Variants in NTM observed in about 807,000 individuals in gnomAD.
The protein encoded by NTM is neurotrimin.
A neutral mutation model predicts 42.1 loss-of-function variants in NTM; 13 were observed. The ratio of observed to expected loss-of-function variants is 0.31; its 90% CI spans 0.20 to 0.49. The LOEUF (loss-of-function observed/expected upper bound fraction) is 0.49. Among genes scored for constraint, NTM ranks in the 20% least tolerant of loss-of-function variants. NTM has a pLI of 0.99. For missense variants in NTM, 373 were observed against 452.8 expected (o/e 0.82, Z 1.60); for synonymous variants, 187 against 179.2 (o/e 1.04, Z -0.35).
intron 1 of NTM, among the ~76,000 whole-genome samples, chr11:131,631,559 A>C (rs894342360): frequency 6.6e-6 from 1 of 152,252 alleles, no homozygotes; most frequent in African/African-American, 2.4e-5. Context: ...CTCACAACAA[A>C]AAAGATGTGG....
chr11:132,181,626 G>A (rs2077581856), intron 3 of NTM, among the ~76,000 whole-genome samples: 1 of 152,190 alleles, frequency 6.6e-6, no homozygotes, highest in African/African-American at 2.4e-5. Context: ...TGGGAAGGGG[G>A]TCAATACATA....
At chr11:131,880,159 A>G (rs2049243946) in intron 1 of NTM, among the ~76,000 whole-genome samples, 1 of 152,232 alleles carries the variant, frequency 6.6e-6, no homozygotes, top group African/African-American at 2.4e-5. Flanking sequence ...GACCCAGCAG[A>G]TAAGTCATAA....
rs187929687 is a variant in NTM at position 132,129,701 on chromosome 11, A to G, written c.168-16581A>G. On this transcript the variant is annotated intron_variant, in intron 2 of 8. Coordinates refer to ENST00000683400, the MANE Select transcript of NTM (RefSeq NM_001352005.2). ...GTCATTATTTTTCTTCAGTGCACAC[A>G]CAGAATATCTGTCCTCCAACACCAG... 1.2e-4 allele frequency among the ~76,000 whole-genome samples: 19 copies of G among 152,342 alleles called. No individual in the cohort carries two copies. In the East Asian group the frequency reaches 3.7e-3, roughly 29 times the overall value.
intron 1 of NTM, among the ~76,000 whole-genome samples, chr11:131,591,764 TA>T (rs754625622): frequency 3.3e-5 from 5 of 152,170 alleles, no homozygotes; most frequent in Non-Finnish European, 7.4e-5. Context: ...CCCAGAGCGC[TA>T]ATGTGCCCAG....
At chr11:132,043,906 G>T (rs545062114) in intron 2 of NTM, among the ~76,000 whole-genome samples, 192 of 151,914 alleles carry the variant, frequency 1.3e-3, no homozygotes, top group African/African-American at 4.5e-3. Context: ...CCCAATCTTG[G>T]GATAAATGGC....
chr11:131,479,522 AAGG>A (rs1362824753), intron 1 of NTM, among the ~76,000 whole-genome samples: 4 of 152,180 alleles, frequency 2.6e-5, no homozygotes, highest in Non-Finnish European at 5.9e-5. Context: ...GGAAGAGAAA[AAGG>A]AGGCTGCAGC....
intron 4 of NTM, among the ~76,000 whole-genome samples, chr11:132,301,776 C>T (rs1165837837): frequency 6.6e-6 from 1 of 152,164 alleles, no homozygotes; most frequent in Non-Finnish European, 1.5e-5. Flanking sequence ...TGATTCCTTC[C>T]AACTCTCCAA....
chr11:131,570,310 C>T (rs1411414608), intron 1 of NTM, among the ~76,000 whole-genome samples: 2 of 152,208 alleles, frequency 1.3e-5, no homozygotes, highest in East Asian at 1.9e-4. Flanking sequence ...CTCTAACTGT[C>T]CTCTAGTAAT....
At chr11:131,951,650 C>G (rs1321685133) in intron 2 of NTM, among the ~76,000 whole-genome samples, 1 of 151,892 alleles carries the variant, frequency 6.6e-6, no homozygotes, top group Non-Finnish European at 1.5e-5. Context: ...GGTGAAACCC[C>G]GTTTCTACTA....
chr11:131,504,079 T>C (rs7130112), intron 1 of NTM, among the ~76,000 whole-genome samples: 2,643 of 152,262 alleles, frequency 0.017, 73 homozygotes, highest in African/African-American at 0.06. Context: ...TGAGGACTGC[T>C]CATCCAGGGC....
At chr11:131,701,494 A>G (rs2076068321) in intron 1 of NTM, among the ~76,000 whole-genome samples, 1 of 152,174 alleles carries the variant, frequency 6.6e-6, no homozygotes, top group African/African-American at 2.4e-5. Flanking sequence ...GAGCCACTCA[A>G]TGCATTTGTC....
intron 7 of NTM, among the ~76,000 whole-genome samples, chr11:132,329,731 G>A (rs893226317): frequency 8.5e-5 from 13 of 152,176 alleles, no homozygotes; most frequent in African/African-American, 2.9e-4. Context: ...AACTTTATAC[G>A]TAAGACCTAC....
chr11:132,229,122 C>T (rs1362282560), intron 4 of NTM, among the ~76,000 whole-genome samples: 2 of 152,220 alleles, frequency 1.3e-5, no homozygotes, highest in Non-Finnish European at 2.9e-5. Context: ...TTCCCACCTC[C>T]TCTTCATCCT....
At chr11:131,566,970 C>T (rs980475709) in intron 1 of NTM, among the ~76,000 whole-genome samples, 2 of 151,972 alleles carry the variant, frequency 1.3e-5, no homozygotes, top group Admixed American at 6.5e-5. Flanking sequence ...AGAAGCCACA[C>T]ATTTTAGTCT....
intron 1 of NTM, among the ~76,000 whole-genome samples, chr11:131,453,640 T>C (rs1260543154): frequency 6.6e-6 from 1 of 152,168 alleles, no homozygotes; most frequent in Admixed American, 6.5e-5. Flanking sequence ...ACCTTCCTGG[T>C]GTATTGGTAT....
At chr11:132,298,768 A>G (rs1591826375) in intron 4 of NTM, among the ~76,000 whole-genome samples, 1 of 152,352 alleles carries the variant, frequency 6.6e-6, no homozygotes, top group Middle Eastern at 3.4e-3. Context: ...TAGTTGATAT[A>G]TGCGTAGCTA....
chr11:132,241,226 G>T (rs1343115863), intron 4 of NTM, among the ~76,000 whole-genome samples: 1 of 152,214 alleles, frequency 6.6e-6, no homozygotes, highest in African/African-American at 2.4e-5. Context: ...TACTCAACCT[G>T]TATTAGAAAA....
chr11:131,734,072 C>T (rs1459496894), intron 1 of NTM, among the ~76,000 whole-genome samples: 1 of 152,128 alleles, frequency 6.6e-6, no homozygotes, highest in Non-Finnish European at 1.5e-5. Context: ...TGCAGTGGGG[C>T]ACAGATGTAT....
In NTM at chr11:131,789,488, AAGAGGAAAGAAG is replaced by A. The variant is rs1326699397; in HGVS notation, c.83-122074_83-122063del. 1.2e-3 allele frequency among the ~76,000 whole-genome samples: 13 copies of A among 10,438 alleles called. 5 individuals are homozygous for A. Among genetic ancestry groups the A allele is most frequent in the Admixed American group, 2.7e-3 (2 of 730 alleles). The allele number at this position is 10,438 out of a possible 152,430, so 6.8% of individuals were successfully genotyped here. The stretch of plus-strand genomic sequence containing the variant: ...GAAGAAGAAGAAGAAGAAGAAGAAG[AAGAGGAAAGAAG>A]AAGAAGAAGAAGAAGAAGAAGAAGA... On this transcript the variant is annotated intron_variant, in intron 1 of 8. Coordinates refer to ENST00000683400, the MANE Select transcript of NTM (RefSeq NM_001352005.2).
Sources: gnomAD v4.1 joint callset for allele counts (sites outside exome capture counted in the v4.1 genomes callset) on GRCh38, gnomAD v4.1.1 for gene constraint, MANE v1.5 for transcripts, NCBI Gene and HGNC (gene_info 2026-07-23, HGNC 2026-07-21) for gene names.